The following PCSK5 variants were observed in gnomAD, a reference collection of about 807,000 sequenced individuals.
PCSK5 encodes the protein prohormone convertase 5.
A neutral mutation model predicts 233.2 loss-of-function variants in PCSK5; 129 were observed. That is an observed-to-expected ratio of 0.55 (90% confidence interval 0.48 to 0.64). The LOEUF (loss-of-function observed/expected upper bound fraction) is 0.64. PCSK5 is among the 30% of genes least tolerant of loss of function. PCSK5 has a pLI of 0.00. For synonymous variants in PCSK5, 825 were observed against 879.2 expected (o/e 0.94, Z 1.09); for missense variants, 2,076 against 2,430.1 (o/e 0.85, Z 3.06).
chr9:75,910,255 G>T (rs1296705204), intron 1 of PCSK5, among the ~76,000 whole-genome samples: 2 of 152,120 alleles, frequency 1.3e-5, no homozygotes, highest in African/African-American at 4.8e-5. Context: ...TGATACTCTG[G>T]ATAAGAACCC....
chr9:76,289,513 A>ACACACACAC (rs1441487777), intron 24 of PCSK5, among the ~76,000 whole-genome samples: 17 of 75,838 alleles, frequency 2.2e-4, no homozygotes, highest in African/African-American at 4.3e-4. Context: ...ACACACACGC[A>ACACACACAC]ACATACACAC....
intron 5 of PCSK5, among the ~76,000 whole-genome samples, chr9:76,033,803 C>A (rs962474608): frequency 2.6e-5 from 4 of 152,062 alleles, no homozygotes; most frequent in African/African-American, 9.7e-5. Context: ...GACAAACAAG[C>A]CCCTCAGGCC....
chr9:76,354,427 G>C (rs1382180908), intron 37 of PCSK5, among the ~76,000 whole-genome samples: 1 of 152,192 alleles, frequency 6.6e-6, no homozygotes, highest in African/African-American at 2.4e-5. Context: ...TACAGATGAG[G>C]AGACTGAGGC....
At chr9:75,964,341 A>AT (rs978607193) in intron 2 of PCSK5, among the ~76,000 whole-genome samples, 1 of 151,996 alleles carries the variant, frequency 6.6e-6, no homozygotes, top group African/African-American at 2.4e-5. Flanking sequence ...TTCTTTTTTA[A>AT]TTTTTTTCAC....
chr9:76,281,851 G>A (rs11507273), intron 24 of PCSK5, among the ~76,000 whole-genome samples: 19,988 of 151,890 alleles, frequency 0.13, 1,817 homozygotes, highest in African/African-American at 0.26. Context: ...GTTTTGCCAC[G>A]TTGCCCAGGC....
chr9:75,891,356 T>C lies in PCSK5; in HGVS notation c.175T>C (p.Phe59Leu). Residue 59 changes from phenylalanine (F) to leucine (L), a missense_variant, in exon 1 of 38, where the codon TTC becomes CTC. Physicochemically the swap from Phe to Leu is conservative, Grantham distance 22. Around this residue, in one of 6 missense-constraint regions of PCSK5, gnomAD observed 190 missense variants for 216.3 expected, o/e 0.88. Coordinates refer to ENST00000674117, the MANE Select transcript of PCSK5 (RefSeq NM_001372043.1). ...CAACCGTATCGCCAGCAAGTACGGA[T>C]TCATCAACATAGGACAGGTAACGAA... ...EANRIASKYG[F>L]INIGQIGALK... The C allele has an allele frequency of 1.9e-6, 3 of 1,563,032 alleles. No individual in the cohort carries two copies. The highest frequency in any genetic ancestry group is 2.6e-6 in the Non-Finnish European group (3 of 1,158,062).
intron 3 of PCSK5, among the ~76,000 whole-genome samples, chr9:76,015,446 G>T (rs766370865): frequency 3.3e-5 from 5 of 152,098 alleles, no homozygotes; most frequent in Non-Finnish European, 2.9e-5. Context: ...ACCGTCTCAA[G>T]AAATATTGAT....
At chr9:76,333,636 T>G (rs1224074342) in intron 34 of PCSK5, among the ~76,000 whole-genome samples, 5 of 151,964 alleles carry the variant, frequency 3.3e-5, no homozygotes, top group Non-Finnish European at 5.9e-5. Flanking sequence ...CAGTAAAGAG[T>G]AAAAGATTGA....
At chr9:76,348,983 T>C (rs1219047685) in intron 35 of PCSK5, among the ~76,000 whole-genome samples, 3 of 151,978 alleles carry the variant, frequency 2.0e-5, no homozygotes, top group African/African-American at 7.2e-5. Flanking sequence ...TAGAAAAATG[T>C]AGAATGGGCT....
At chr9:76,016,268 C>G (rs1037101147) in intron 3 of PCSK5, among the ~76,000 whole-genome samples, 2 of 152,180 alleles carry the variant, frequency 1.3e-5, no homozygotes, top group Non-Finnish European at 2.9e-5. Context: ...ACTGGATCCA[C>G]TTTCTGTAAC....
intron 3 of PCSK5, among the ~76,000 whole-genome samples, chr9:76,022,599 T>G (rs1828244344): frequency 6.6e-6 from 1 of 152,200 alleles, no homozygotes. Context: ...AGAGGGATAT[T>G]TCAAAGAGTC....
At chr9:75,905,786 T>C (rs1461562344) in intron 1 of PCSK5, among the ~76,000 whole-genome samples, 1 of 152,142 alleles carries the variant, frequency 6.6e-6, no homozygotes, top group African/African-American at 2.4e-5. Context: ...TGCGTGCTCC[T>C]TATGAGAATC....
chr9:76,323,750 A>T (rs1222903995), intron 32 of PCSK5, among the ~76,000 whole-genome samples: 2 of 152,324 alleles, frequency 1.3e-5, no homozygotes, highest in East Asian at 3.9e-4. Flanking sequence ...ATTAGTGACA[A>T]ATCACGTGGA....
intron 13 of PCSK5, 116 bp downstream of exon 13, chr9:76,169,956 A>T (rs1823261184): frequency 1.2e-6 from 1 of 801,522 alleles, no homozygotes; most frequent in Non-Finnish European, 2.1e-6. Context: ...GGTTCATTTC[A>T]TGTGTGCTTT....
chr9:76,281,838 G>T (rs1827875589), intron 24 of PCSK5, among the ~76,000 whole-genome samples: 1 of 151,940 alleles, frequency 6.6e-6, no homozygotes, highest in Admixed American at 6.6e-5. Flanking sequence ...TTATAGAGAT[G>T]GGGTTTTGCC....
At chr9:76,181,886 A>G (rs78942850) in intron 16 of PCSK5, among the ~76,000 whole-genome samples, 4,755 of 152,276 alleles carry the variant, frequency 0.031, 286 homozygotes, top group East Asian at 0.25. Context: ...GCAACAAATC[A>G]TCAAAGGGAA....
intron 31 of PCSK5, among the ~76,000 whole-genome samples, chr9:76,321,845 C>T (rs1456941677): frequency 6.6e-6 from 1 of 152,096 alleles, no homozygotes; most frequent in African/African-American, 2.4e-5. Flanking sequence ...AAGCAAGAGC[C>T]CCTTTTTGCA....
chr9:76,067,477 A>T (rs1216133015), intron 5 of PCSK5, among the ~76,000 whole-genome samples: 1 of 152,200 alleles, frequency 6.6e-6, no homozygotes, highest in Non-Finnish European at 1.5e-5. Context: ...ATAAATTGTT[A>T]TTGGAAATAC....
At chr9:76,103,220 C>T (rs1050083041) in intron 8 of PCSK5, among the ~76,000 whole-genome samples, 3 of 152,192 alleles carry the variant, frequency 2.0e-5, no homozygotes, top group Middle Eastern at 3.2e-3. Flanking sequence ...CCTTCTCCCC[C>T]ATAGCTGTGT....
Sources: allele counts gnomAD v4.1 joint callset (sites outside exome capture counted in the v4.1 genomes callset), GRCh38; gene constraint gnomAD v4.1.1; regional missense constraint gnomAD v4.1.1; transcripts MANE v1.5; gene names NCBI Gene and HGNC (gene_info 2026-07-23, HGNC 2026-07-21).